Variants in VIPR1 observed in about 807,000 individuals in gnomAD.
VIPR1 encodes the protein vasoactive intestinal peptide receptor 1.
VIPR1 carries 59 observed loss-of-function variants against 58.8 expected under a neutral mutation model. The observed-to-expected ratio is 1.00, with a 90% CI of 0.81 to 1.25. The LOEUF (loss-of-function observed/expected upper bound fraction) is 1.25, where lower values mean the gene tolerates loss of function less well. Ranked by LOEUF, VIPR1 falls within the 50% of genes most tolerant of loss-of-function variation. The probability of loss-of-function intolerance (pLI) is 0.00; values close to 1 mark genes in which losing one functional copy is unlikely to be tolerated. For missense variants in VIPR1, 626 were observed against 602.7 expected (o/e 1.04, Z -0.40); for synonymous variants, 251 against 242.1 (o/e 1.04, Z -0.34).
intron 8 of VIPR1, 124 bp from the exon 9 acceptor site, chr3:42,531,679 C>CA: frequency 3.2e-6 from 5 of 1,547,402 alleles, no homozygotes; most frequent in Non-Finnish European, 4.5e-6. Context: ...TGGGGAGCAA[C>CA]AGACTCTGGG....
In VIPR1 at chr3:42,526,274, T is replaced by C. The variant is rs191842102; in HGVS notation, c.399+281T>C. Among the ~76,000 whole-genome samples, 53 of 152,264 alleles carry C rather than the reference T, an allele frequency of 3.5e-4. No individual in the cohort carries two copies. In the East Asian group the frequency reaches 9.7e-3, roughly 28 times the overall value. ...GCCACCCTACTGCCTCATGGGAACCTCACTTCAGCCCGGGAGTTGGCAGGG... is the reference window on the plus strand; with the variant it reads ...GCCACCCTACTGCCTCATGGGAACCCCACTTCAGCCCGGGAGTTGGCAGGG... On this transcript the variant is annotated intron_variant, in intron 4 of 12. Coordinates refer to ENST00000325123, the MANE Select transcript of VIPR1 (RefSeq NM_004624.4).
chr3:42,497,572 A>G (rs1234118363), intron 1 of VIPR1, among the ~76,000 whole-genome samples: 1 of 152,082 alleles, frequency 6.6e-6, no homozygotes, highest in African/African-American at 2.4e-5. Flanking sequence ...TCCCAACACC[A>G]TGACCCCTGA....
At position 42,530,919 on chromosome 3, in the gene VIPR1, A is replaced by G; in HGVS notation, c.777A>G (p.Ile259Met). The G allele has an allele frequency of 6.2e-7, 1 of 1,613,842 alleles. No homozygotes were observed. Among genetic ancestry groups the G allele is most frequent in the Non-Finnish European group, 8.5e-7 (1 of 1,179,888 alleles). The change falls in exon 7 of 13, where the codon ATA (isoleucine) becomes ATG (methionine). Residue 259 changes from isoleucine to methionine, a missense_variant. Ile to Met is a conservative substitution (Grantham distance 10, BLOSUM62 1). Transcript: ENST00000325123. ...AGCGGAAGTACTTCTGGGGGTACAT[A>G]CTCATCGGCTGGGGTATGGTACCAG... is the stretch of plus-strand genomic sequence containing the variant. ...FSERKYFWGYILIGWGVPSTF... is the reference protein window; with the variant it reads ...FSERKYFWGYMLIGWGVPSTF...
chr3:42,513,508 C>T (rs1700462821), intron 1 of VIPR1: 2 of 487,388 alleles, frequency 4.1e-6, no homozygotes, highest in South Asian at 5.6e-5. Flanking sequence ...GCAGTTACAG[C>T]TGCAGCACTA....
rs1701864043 is a variant in VIPR1, at chr3:42,536,590, A to G, written c.*309A>G. 1 of 292,714 alleles carries G rather than the reference A, an allele frequency of 3.4e-6. No individual in the cohort carries two copies. Among genetic ancestry groups the G allele is most frequent in the Admixed American group, 5.3e-5 (1 of 19,038 alleles). The allele number at this position is 292,714 out of a possible 1,614,324, so 18.1% of individuals were successfully genotyped here. A position where few individuals can be genotyped will look rare whatever the true frequency, so the allele number is the denominator to read the frequency against. The stretch of plus-strand genomic sequence containing the variant: ...AAGGGCAAAAAGTCTACATACTTTC[A>G]TCCTGACTCTGCCCCCTGCTGGCTC... On this transcript the variant is annotated 3_prime_UTR_variant, in exon 13 of 13. Transcript: ENST00000325123.
chr3:42,534,908 G>A, intron 10 of VIPR1, 67 bp from the exon 11 acceptor site: 1 of 1,581,652 alleles, frequency 6.3e-7, no homozygotes, highest in Non-Finnish European at 8.6e-7. Context: ...CTGCCCCCAT[G>A]CCACACCCTA....
Position 42,536,419 on chromosome 3 carries a change from C to G in VIPR1, c.*138C>G. ...GAGGCTGCCCCCGGCCCCCTGGTCT[C>G]TGGTCCGGACACTCCTAGAGAACGC... On this transcript the variant is annotated 3_prime_UTR_variant, in exon 13 of 13. Transcript: ENST00000325123. 2.2e-6 allele frequency: 2 copies of G among 915,492 alleles called. No homozygotes were observed. Among genetic ancestry groups the G allele is most frequent in the South Asian group, 3.7e-5 (2 of 53,782 alleles). The allele number at this position is 915,492 out of a possible 1,614,324, so 56.7% of individuals were successfully genotyped here.
Position 42,535,389 on chromosome 3 carries a change from G to A in VIPR1, c.1182+5G>A. ...TACTGCTTCCTCAATGGTGAGGTAA[G>A]CCCCTCCCAGTCCTTGGGGCTTAGG... On this transcript the variant is annotated splice_donor_5th_base_variant and intron_variant, in intron 12 of 12. Coordinates refer to ENST00000325123, the MANE Select transcript of VIPR1 (RefSeq NM_004624.4). 6.2e-7 allele frequency: 1 copy of A among 1,614,014 alleles called. No individual in the cohort carries two copies.
chr3:42,500,932 T>C (rs1287206556), upstream of VIPR1, among the ~76,000 whole-genome samples: 3 of 152,032 alleles, frequency 2.0e-5, no homozygotes, highest in Admixed American at 2.0e-4. Context: ...GTACAGTAGC[T>C]CCCCAAGTTC....
Position 42,531,806 on chromosome 3 carries a change from C to A in VIPR1, c.855C>A (p.Cys285Ter), listed in dbSNP as rs766565350. ...TTCCTCCCCACGGTCTGCTCAGGTG[C>A]TGGGACACCATCAACTCCTCACTGT... Reference protein sequence around the residue: ...IARIHFEDYGCWDTINSSLWW... With the variant: ...IARIHFEDYG Residue 285 changes from cysteine (C) to a stop codon, truncating the protein, a stop_gained, in exon 9 of 13, where the codon TGC (cysteine) becomes TGA (stop). Transcript: ENST00000325123. LOFTEE classifies it high-confidence loss of function. 7.4e-6 allele frequency: 12 copies of A among 1,614,026 alleles called. No homozygotes were observed. The East Asian group carries it at 2.7e-4, about 36-fold the overall frequency.
intron 6 of VIPR1, among the ~76,000 whole-genome samples, chr3:42,528,916 A>G (rs1353529493): frequency 6.6e-6 from 1 of 152,148 alleles, no homozygotes; most frequent in East Asian, 1.9e-4. Context: ...AATCTCAGGC[A>G]TTTCAACAAG....
chr3:42,513,450 A>G, intron 1 of VIPR1: 1 of 343,068 alleles, frequency 2.9e-6, no homozygotes. Flanking sequence ...CTCTAAGGGG[A>G]GGCCCTCTTG....
At chr3:42,498,859 T>C (rs1417482700), upstream of VIPR1, among the ~76,000 whole-genome samples, 1 of 152,144 alleles carries the variant, frequency 6.6e-6, no homozygotes, top group African/African-American at 2.4e-5. Flanking sequence ...TGCATGCTGT[T>C]ATGGAAGGGA....
intron 1 of VIPR1, 65 bp downstream of exon 1, chr3:42,502,878 G>A: frequency 8.6e-7 from 1 of 1,165,962 alleles, no homozygotes; most frequent in Non-Finnish European, 1.1e-6. Flanking sequence ...GGGGGAGGTG[G>A]GGGATGGCGG....
intron 2 of VIPR1, among the ~76,000 whole-genome samples, chr3:42,518,988 G>A (rs1236062613): frequency 6.6e-6 from 1 of 152,172 alleles, no homozygotes; most frequent in Non-Finnish European, 1.5e-5. Flanking sequence ...TCCCCAGGGG[G>A]CGCTCCATCC....
intron 4 of VIPR1, among the ~76,000 whole-genome samples, chr3:42,526,764 C>T (rs1330738169): frequency 6.6e-6 from 1 of 152,168 alleles, no homozygotes; most frequent in Admixed American, 6.5e-5. Flanking sequence ...TGCCTAGTGG[C>T]TGTCGTGCTG....
At chr3:42,534,013 G>A (rs1559498618) in intron 10 of VIPR1, 1 of 152,444 alleles carries the variant, frequency 6.6e-6, no homozygotes, top group Non-Finnish European at 1.5e-5. Context: ...CAGGTGGCTG[G>A]GAGGCCTGAA....
intron 1 of VIPR1, chr3:42,506,739 G>A (rs571051902): frequency 7.9e-5 from 12 of 152,140 alleles, no homozygotes; most frequent in African/African-American, 2.4e-4. Flanking sequence ...TGTTGGCCAG[G>A]CTGCTCTTGA....
chr3:42,494,149 T>C (rs1354205259), intron 1 of VIPR1, among the ~76,000 whole-genome samples: 1 of 152,262 alleles, frequency 6.6e-6, no homozygotes, highest in East Asian at 1.9e-4. Context: ...TTGTACTTTA[T>C]TGACGCTGCT....
Sources: gnomAD v4.1 joint callset for allele counts (sites outside exome capture counted in the v4.1 genomes callset) on GRCh38, gnomAD v4.1.1 for gene constraint, MANE v1.5 for transcripts, NCBI Gene and HGNC (gene_info 2026-07-23, HGNC 2026-07-21) for gene names.